Variants in TMCC1 observed in about 807,000 individuals in gnomAD.
The protein encoded by TMCC1 is transmembrane and coiled-coil domain family 1.
Under a neutral mutation model 52.4 loss-of-function variants are expected in TMCC1, and 15 were observed. That is an observed-to-expected ratio of 0.29 (90% confidence interval 0.19 to 0.44). TMCC1 has a LOEUF of 0.44. TMCC1 is among the 20% of genes least tolerant of loss of function. TMCC1 has a pLI of 1.00. For synonymous variants in TMCC1, 279 were observed against 301.9 expected (o/e 0.92, Z 0.79); for missense variants, 503 against 806.0 (o/e 0.62, Z 4.55).
chr3:129,822,463 A>G (rs1038862221), intron 4 of TMCC1, among the ~76,000 whole-genome samples: 5 of 152,314 alleles, frequency 3.3e-5, no homozygotes, highest in Non-Finnish European at 4.4e-5. Context: ...ACATAATAAC[A>G]TAAGAAACCA....
At chr3:129,792,450 C>T (rs1193613078) in intron 4 of TMCC1, among the ~76,000 whole-genome samples, 4 of 151,904 alleles carry the variant, frequency 2.6e-5, no homozygotes, top group East Asian at 1.9e-4. Context: ...TGGGTTCAAG[C>T]GATTCTCCTG....
chr3:129,793,050 T>G (rs541113457), intron 4 of TMCC1, among the ~76,000 whole-genome samples: 1 of 152,278 alleles, frequency 6.6e-6, no homozygotes, highest in African/African-American at 2.4e-5. Flanking sequence ...TGCCCTGATA[T>G]CTACCCATCT....
At chr3:129,691,535 TTTTGGGAGGCTGA>T (rs1241188676) in intron 4 of TMCC1, among the ~76,000 whole-genome samples, 2 of 151,888 alleles carry the variant, frequency 1.3e-5, no homozygotes, top group African/African-American at 4.8e-5. Flanking sequence ...AATCCCAACA[TTTTGGGAGGCTGA>T]GGTGGGAGGA....
At chr3:129,685,390 T>TA (rs1304312164) in intron 4 of TMCC1, among the ~76,000 whole-genome samples, 1 of 146,108 alleles carries the variant, frequency 6.8e-6, no homozygotes, top group Non-Finnish European at 1.5e-5. Flanking sequence ...AAAAGAAACT[T>TA]AAAAATTAAA....
Position 129,775,635 on chromosome 3 carries a change from A to G in TMCC1, c.576+52168T>C, listed in dbSNP as rs538786526. 1.2e-4 allele frequency among the ~76,000 whole-genome samples: 18 copies of G among 152,262 alleles called. No homozygotes were observed. The South Asian group carries it at 3.7e-3, about 32-fold the overall frequency. ...TTCAACCACGTTAAATATTGGATAA[A>G]CATGAAATATCTAAGAAAAGCTGTC... On this transcript the variant is annotated intron_variant, in intron 4 of 6. Transcript: ENST00000393238.
chr3:129,701,236 G>A (rs1245162118), intron 4 of TMCC1, among the ~76,000 whole-genome samples: 1 of 152,112 alleles, frequency 6.6e-6, no homozygotes, highest in East Asian at 1.9e-4. Flanking sequence ...ATTAACATCC[G>A]CAGTCACTGA....
chr3:129,677,711 T>C (rs2088579041), intron 4 of TMCC1, among the ~76,000 whole-genome samples: 1 of 152,202 alleles, frequency 6.6e-6, no homozygotes, highest in African/African-American at 2.4e-5. Flanking sequence ...CATGGCTTGT[T>C]AGGAAGCTTG....
chr3:129,832,553 T>A (rs947172215), intron 3 of TMCC1, among the ~76,000 whole-genome samples: 1 of 152,224 alleles, frequency 6.6e-6, no homozygotes, highest in Non-Finnish European at 1.5e-5. Context: ...TAAATTAGTA[T>A]CAGAAATAAG....
intron 1 of TMCC1, among the ~76,000 whole-genome samples, chr3:129,887,502 A>G (rs905331317): frequency 1.3e-5 from 2 of 150,302 alleles, no homozygotes; most frequent in Admixed American, 1.3e-4. Flanking sequence ...AGATCGCGCC[A>G]CTGCACTCCA....
At chr3:129,783,291 T>C (rs529905495) in intron 4 of TMCC1, among the ~76,000 whole-genome samples, 1 of 152,296 alleles carries the variant, frequency 6.6e-6, no homozygotes, top group East Asian at 1.9e-4. Flanking sequence ...GAAATCTCAT[T>C]AGGGTATTTC....
Position 129,758,950 on chromosome 3 carries a change from G to A in TMCC1, c.576+68853C>T, listed in dbSNP as rs532528150. 8.6e-4 allele frequency among the ~76,000 whole-genome samples: 131 copies of A among 152,264 alleles called. 1 individual carries two copies. Among genetic ancestry groups the A allele is most frequent in the Middle Eastern group, 3.4e-3 (1 of 294 alleles). Reference sequence around the variant, plus strand: ...ACTATTTCATTTAGCATGTCTTCAAGGTCCATCTATATTGCAGTATGTATG... The same window carrying A: ...ACTATTTCATTTAGCATGTCTTCAAAGTCCATCTATATTGCAGTATGTATG... On this transcript the variant is annotated intron_variant, in intron 4 of 6. Transcript: ENST00000393238.
intron 4 of TMCC1, among the ~76,000 whole-genome samples, chr3:129,742,622 A>G (rs1386308036): frequency 1.3e-5 from 2 of 152,166 alleles, no homozygotes; most frequent in Non-Finnish European, 2.9e-5. Context: ...AAGGTATGGC[A>G]TGTTTGGAAA....
At chr3:129,676,653 G>T (rs1436184779) in intron 4 of TMCC1, among the ~76,000 whole-genome samples, 1 of 152,178 alleles carries the variant, frequency 6.6e-6, no homozygotes, top group African/African-American at 2.4e-5. Context: ...ATAGCACCCA[G>T]CTTTGAGAAT....
chr3:129,817,582 C>T lies in TMCC1; in HGVS notation c.576+10221G>A, dbSNP rs914394826. Among the ~76,000 whole-genome samples the T allele has an allele frequency of 2.0e-5, 3 of 152,268 alleles. No homozygotes were observed. The South Asian group carries it at 6.2e-4, about 32-fold the overall frequency. ...AACAAGAATTTCTTCCTTCTAGGCC[C>T]TTAGAGACTATCCCACATCTTCATA... On this transcript the variant is annotated intron_variant, in intron 4 of 6. Transcript: ENST00000393238.
chr3:129,730,159 T>C (rs1416559698), intron 4 of TMCC1, among the ~76,000 whole-genome samples: 2 of 152,180 alleles, frequency 1.3e-5, no homozygotes, highest in Admixed American at 6.5e-5. Context: ...AGGAACCATC[T>C]GTATTCTGAA....
At chr3:129,760,804 G>T (rs1357275768) in intron 4 of TMCC1, among the ~76,000 whole-genome samples, 1 of 150,458 alleles carries the variant, frequency 6.6e-6, no homozygotes, top group Non-Finnish European at 1.5e-5. Flanking sequence ...TAGAGAAGGG[G>T]TTTCGCCATG....
chr3:129,782,565 T>C (rs1473886641), intron 4 of TMCC1, among the ~76,000 whole-genome samples: 4 of 152,194 alleles, frequency 2.6e-5, no homozygotes. Context: ...ATATATATTT[T>C]ACGGTCTTCA....
rs58340382 is a variant in TMCC1 at position 129,651,138 on chromosome 3, T to C, written c.*343A>G. 7.2e-3 allele frequency: 1,590 copies of C among 221,950 alleles called. 29 individuals carry two copies. The highest frequency in any genetic ancestry group is 0.034 in the African/African-American group (1,508 of 44,104). The allele number at this position is 221,950 out of a possible 1,614,324, so 13.7% of individuals were successfully genotyped here. The stretch of plus-strand genomic sequence containing the variant: ...GCCCTCATCAGGTTTTCGCATCTTT[T>C]TAGTGGGTTTTAGTGCAGTCCTTCA... On this transcript the variant is annotated 3_prime_UTR_variant, in exon 7 of 7. Transcript: ENST00000393238. This position sits in a 1 kb window ranked among gnomAD's most constrained non-coding sequence, Gnocchi z 5.1.
intron 4 of TMCC1, among the ~76,000 whole-genome samples, chr3:129,818,016 G>C (rs1189042128): frequency 6.6e-6 from 1 of 152,042 alleles, no homozygotes; most frequent in African/African-American, 2.4e-5. Context: ...CACCATGTTG[G>C]CCAGGCTGGT....
Sources: allele counts gnomAD v4.1 joint callset (sites outside exome capture counted in the v4.1 genomes callset), GRCh38; gene constraint gnomAD v4.1.1; non-coding constraint Gnocchi (gnomAD v3.1); transcripts MANE v1.5; gene names NCBI Gene and HGNC (gene_info 2026-07-23, HGNC 2026-07-21).